The following CATSPERE variants were observed in gnomAD, a reference collection of about 807,000 sequenced individuals.
CATSPERE encodes the protein cation channel sperm-associated auxiliary subunit epsilon.
Under a neutral mutation model 114.1 loss-of-function variants are expected in CATSPERE, and 93 were observed. The ratio of observed to expected loss-of-function variants is 0.81; its 90% CI spans 0.69 to 0.97. The LOEUF (loss-of-function observed/expected upper bound fraction) is 0.97. Ranked by LOEUF, CATSPERE falls within the 50% of genes least tolerant of loss-of-function variation. The pLI is 0.00. For missense variants in CATSPERE, 1,058 were observed against 1,131.6 expected (o/e 0.93, Z 0.93); for synonymous variants, 341 against 384.1 (o/e 0.89, Z 1.31).
chr1:244,636,626 A>C (rs1674658250), intron 21 of CATSPERE: 1 of 152,698 alleles, frequency 6.5e-6, no homozygotes, highest in Non-Finnish European at 1.5e-5. Context: ...AGAAGGAGTC[A>C]AGTGAGTTAG....
intron 8 of CATSPERE, among the ~76,000 whole-genome samples, chr1:244,523,003 G>A (rs1209971642): frequency 1.3e-5 from 2 of 150,960 alleles, no homozygotes; most frequent in Non-Finnish European, 2.9e-5. Flanking sequence ...GCATCATTCT[G>A]ATACCAAAGC....
chr1:244,462,096 CT>C (rs1666913982), intron 1 of CATSPERE, among the ~76,000 whole-genome samples: 1 of 152,202 alleles, frequency 6.6e-6, no homozygotes, highest in Non-Finnish European at 1.5e-5. Flanking sequence ...TAATTACAGA[CT>C]ATGAGCTCTG....
upstream of CATSPERE, among the ~76,000 whole-genome samples, chr1:244,453,945 G>C (rs7540590): frequency 1.3e-5 from 2 of 152,174 alleles, no homozygotes; most frequent in Admixed American, 1.3e-4. Flanking sequence ...GACTTCTCCT[G>C]AATCAGGAAG....
intron 8 of CATSPERE, 49 bp from the exon 9 acceptor site, chr1:244,552,273 G>A (rs764402503): frequency 6.5e-7 from 1 of 1,543,660 alleles, no homozygotes; most frequent in South Asian, 1.3e-5. Context: ...GTACAAGATG[G>A]ATCAGATGAG....
chr1:244,546,985 T>A (rs3003232), intron 8 of CATSPERE, among the ~76,000 whole-genome samples: 132,173 of 151,994 alleles, frequency 0.87, 58,451 homozygotes, highest in East Asian at 1. Context: ...AGATTAAAGG[T>A]CATCAGTCAG....
chr1:244,526,124 T>C (rs1230437851), intron 8 of CATSPERE, among the ~76,000 whole-genome samples: 1 of 152,212 alleles, frequency 6.6e-6, no homozygotes, highest in African/African-American at 2.4e-5. Context: ...GCTATCCTTT[T>C]GTCAGGAAAG....
chr1:244,593,361 G>C, intron 15 of CATSPERE, 34 bp from the exon 16 acceptor site: 1 of 1,608,424 alleles, frequency 6.2e-7, no homozygotes, highest in Non-Finnish European at 8.5e-7. Context: ...TTGAAAAGAG[G>C]AAAGAGAAAT....
At chr1:244,509,034 T>C (rs1181610986) in intron 7 of CATSPERE, among the ~76,000 whole-genome samples, 1 of 151,934 alleles carries the variant, frequency 6.6e-6, no homozygotes, top group African/African-American at 2.4e-5. Flanking sequence ...GAAGAACAAT[T>C]TATTTTCCAA....
At chr1:244,608,763 G>T (rs954821343) in intron 18 of CATSPERE, among the ~76,000 whole-genome samples, 1 of 151,846 alleles carries the variant, frequency 6.6e-6, no homozygotes, top group Non-Finnish European at 1.5e-5. Context: ...CAATTCTCTA[G>T]CACCATCTTG....
chr1:244,587,421 C>T (rs943630997), intron 13 of CATSPERE, among the ~76,000 whole-genome samples: 2 of 152,146 alleles, frequency 1.3e-5, no homozygotes, highest in African/African-American at 4.8e-5. Context: ...CATTTCCAGC[C>T]CATGAAACAA....
At chr1:244,619,214 G>A (rs1671777926) in intron 20 of CATSPERE, among the ~76,000 whole-genome samples, 1 of 152,156 alleles carries the variant, frequency 6.6e-6, no homozygotes. Flanking sequence ...GGGGATTCCA[G>A]GAGCATACAT....
Position 244,561,050 on chromosome 1 carries a change from A to G in CATSPERE, c.1412A>G (p.His471Arg), listed in dbSNP as rs373182159. 2.5e-6 allele frequency: 4 copies of G among 1,612,698 alleles called. No homozygotes were observed. Among genetic ancestry groups the G allele is most frequent in the African/African-American group, 1.3e-5 (1 of 74,892 alleles). ...AAGCATAGTATCTACTATTGTTACC[A>G]TAATTTCACCTTTACTGGGATTTTA... ...WNKHSIYYCY[H>R]NFTFTGILQT... Residue 471 changes from histidine (H) to arginine (R), a missense_variant, in exon 10 of 22, where the codon CAT becomes CGT. His to Arg is a conservative substitution (Grantham distance 29). This residue lies in a region of CATSPERE where 787 missense variants were observed against 905.6 expected (regional missense o/e 0.87). Coordinates refer to ENST00000366534, the MANE Select transcript of CATSPERE (RefSeq NM_001130957.2).
chr1:244,602,183 A>G (rs963257191), intron 17 of CATSPERE, among the ~76,000 whole-genome samples: 5 of 152,194 alleles, frequency 3.3e-5, no homozygotes, highest in African/African-American at 1.2e-4. Context: ...GCTACTAGGA[A>G]TCACTTGATA....
intron 8 of CATSPERE, among the ~76,000 whole-genome samples, chr1:244,519,534 C>T (rs1677180691): frequency 6.6e-6 from 1 of 152,144 alleles, no homozygotes; most frequent in Non-Finnish European, 1.5e-5. Flanking sequence ...GGTTTCCTCT[C>T]ACATCCCAAA....
chr1:244,626,115 A>G (rs942316757), intron 20 of CATSPERE, among the ~76,000 whole-genome samples: 2 of 152,142 alleles, frequency 1.3e-5, no homozygotes, highest in Non-Finnish European at 2.9e-5. Context: ...CGTCAGCTAC[A>G]TTAGCCTCTA....
intron 17 of CATSPERE, among the ~76,000 whole-genome samples, chr1:244,601,125 A>AT (rs1669156712): frequency 6.6e-6 from 1 of 152,230 alleles, no homozygotes; most frequent in South Asian, 2.1e-4. Context: ...AAATGTAGTC[A>AT]TTAAATTCAA....
chr1:244,576,112 C>T (rs1441772725), intron 11 of CATSPERE, among the ~76,000 whole-genome samples: 1 of 152,074 alleles, frequency 6.6e-6, no homozygotes, highest in Non-Finnish European at 1.5e-5. Context: ...TTCCTTGGCT[C>T]GTGCACAAGG....
intron 7 of CATSPERE, among the ~76,000 whole-genome samples, chr1:244,508,803 T>C (rs1001713411): frequency 9.1e-5 from 13 of 142,696 alleles, no homozygotes; most frequent in African/African-American, 3.2e-4. Flanking sequence ...TCAAGACAAG[T>C]GTGGGCAACA....
rs569977619 is a variant in CATSPERE, at chr1:244,528,315, C to A, written c.536+9617C>A. On this transcript the variant is annotated intron_variant, in intron 8 of 21. Transcript: ENST00000366534. ...ACATGCTAAAAATGTATACACTATA[C>A]AACAGTAAAAATATACAAAGCAACA... 3.2e-4 allele frequency among the ~76,000 whole-genome samples: 49 copies of A among 152,130 alleles called. 1 individual carries two copies. Among genetic ancestry groups the A allele is most frequent in the African/African-American group, 1.1e-3 (47 of 41,500 alleles).
Sources: allele counts gnomAD v4.1 joint callset (sites outside exome capture counted in the v4.1 genomes callset), GRCh38; gene constraint gnomAD v4.1.1; regional missense constraint gnomAD v4.1.1; transcripts MANE v1.5; gene names NCBI Gene and HGNC (gene_info 2026-07-23, HGNC 2026-07-21).